Variants in TYW1 observed in about 807,000 individuals in gnomAD.
The protein encoded by TYW1 is tRNA-yW synthesizing protein 1 homolog.
Under a neutral mutation model 96.2 loss-of-function variants are expected in TYW1, and 46 were observed. That is an observed-to-expected ratio of 0.48 (90% CI 0.38 to 0.61). The LOEUF is 0.61. Among genes scored for constraint, TYW1 ranks in the 20% least tolerant of loss-of-function variants. The pLI is 0.00. For missense variants in TYW1, 684 were observed against 909.6 expected, an observed-to-expected ratio of 0.75 and a Z score of 3.19; for synonymous variants, 274 against 323.0, an observed-to-expected ratio of 0.85 and a Z score of 1.63.
chr7:67,167,220 A>G (rs1799364306), intron 13 of TYW1, among the ~76,000 whole-genome samples: 1 of 152,116 alleles, frequency 6.6e-6, no homozygotes, highest in African/African-American at 2.4e-5. Context: ...CTATAATCCC[A>G]GCTCTTTGGG....
chr7:66,999,404 G>A (rs1236867075), intron 3 of TYW1, among the ~76,000 whole-genome samples: 2 of 151,992 alleles, frequency 1.3e-5, no homozygotes, highest in Admixed American at 6.6e-5. Context: ...ACCCAGGCTG[G>A]AGTGCAGTGG....
intron 15 of TYW1, among the ~76,000 whole-genome samples, chr7:67,216,831 A>G (rs1412374113): frequency 6.6e-6 from 1 of 151,656 alleles, no homozygotes; most frequent in Non-Finnish European, 1.5e-5. Context: ...TTCTTATTCA[A>G]TCTATGAATT....
intron 7 of TYW1, among the ~76,000 whole-genome samples, chr7:67,047,906 G>C (rs1213817695): frequency 4.7e-5 from 7 of 149,686 alleles, no homozygotes; most frequent in Non-Finnish European, 8.9e-5. Flanking sequence ...TCCTGCCTCA[G>C]CCTCCCTGGT....
At chr7:67,052,622 A>AT (rs777241276) in intron 8 of TYW1, among the ~76,000 whole-genome samples, 103 of 152,060 alleles carry the variant, frequency 6.8e-4, no homozygotes, top group Middle Eastern at 3.4e-3. Context: ...TGGTTGATGG[A>AT]TTTTTTCCCT....
Position 67,047,265 on chromosome 7 carries a change from T to TA in TYW1, c.985-2676dup, listed in dbSNP as rs891635878. Among the ~76,000 whole-genome samples the TA allele has an allele frequency of 4.6e-5, 7 of 152,036 alleles. No homozygotes were observed. The South Asian group carries it at 6.3e-4, about 14-fold the overall frequency. On this transcript the variant is annotated intron_variant, in intron 7 of 15. Transcript: ENST00000359626. Reference sequence around the variant, plus strand: ...CAAGCTCACACCTTTGCTTTTAGATTAAAAAAAACAAAGCAAACTACTTGG... The same window carrying TA: ...CAAGCTCACACCTTTGCTTTTAGATTAAAAAAAAACAAAGCAAACTACTTGG...
intron 15 of TYW1, among the ~76,000 whole-genome samples, chr7:67,224,450 G>A (rs1039060529): frequency 9.9e-5 from 15 of 152,098 alleles, no homozygotes; most frequent in African/African-American, 3.6e-4. Context: ...ATGTGTCCTC[G>A]TACATACCAC....
intron 13 of TYW1, among the ~76,000 whole-genome samples, chr7:67,179,088 C>G (rs1799763116): frequency 7.1e-6 from 1 of 139,942 alleles, no homozygotes; most frequent in South Asian, 2.3e-4. Flanking sequence ...AGGGCTAACT[C>G]ATAGGCAGCG....
intron 15 of TYW1, among the ~76,000 whole-genome samples, chr7:67,235,035 T>C (rs1584727638): frequency 6.6e-6 from 1 of 152,134 alleles, no homozygotes; most frequent in African/African-American, 2.4e-5. Context: ...TGGTAAATGA[T>C]CATGTTAGAG....
intron 13 of TYW1, among the ~76,000 whole-genome samples, chr7:67,163,596 T>G (rs1474223978): frequency 6.6e-6 from 1 of 152,180 alleles, no homozygotes; most frequent in Non-Finnish European, 1.5e-5. Context: ...GTGCATGATC[T>G]TCTTAGGTTC....
At chr7:67,086,460 G>A (rs1796551549) in intron 11 of TYW1, among the ~76,000 whole-genome samples, 1 of 152,142 alleles carries the variant, frequency 6.6e-6, no homozygotes, top group African/African-American at 2.4e-5. Context: ...GAATGTGTGT[G>A]AGGGGAGAGA....
chr7:67,210,865 CATCT>C (rs1362206991), intron 15 of TYW1, among the ~76,000 whole-genome samples: 12 of 150,846 alleles, frequency 8.0e-5, no homozygotes, highest in South Asian at 4.2e-4. Flanking sequence ...CACCTTCTAT[CATCT>C]ATCTATCCAT....
intron 15 of TYW1, among the ~76,000 whole-genome samples, chr7:67,235,196 C>G (rs1801845524): frequency 6.6e-6 from 1 of 152,188 alleles, no homozygotes; most frequent in Admixed American, 6.5e-5. Flanking sequence ...CAAAGAGACT[C>G]CTCTACAGGG....
chr7:67,022,330 T>A (rs1259292883), intron 6 of TYW1, among the ~76,000 whole-genome samples: 2 of 152,206 alleles, frequency 1.3e-5, no homozygotes, highest in Non-Finnish European at 2.9e-5. Flanking sequence ...GACAGGATTG[T>A]ATGCCCCACA....
rs1488145259 is a variant in TYW1, at chr7:67,055,531, A to G, written c.1103-304A>G. ...TGAGAATCTATTAAACCCAGGAGGC[A>G]GAGGCTGCAGTGAGCTGAGATCACA... is the stretch of plus-strand genomic sequence containing the variant. On this transcript the variant is annotated intron_variant, in intron 8 of 15. Coordinates refer to ENST00000359626, the MANE Select transcript of TYW1 (RefSeq NM_018264.4). Among the ~76,000 whole-genome samples, 3 of 151,748 alleles carry G rather than the reference A, an allele frequency of 2.0e-5. No homozygotes were observed. The East Asian group carries it at 5.8e-4, about 29-fold the overall frequency.
chr7:67,005,165 G>C (rs1461325330), intron 3 of TYW1, among the ~76,000 whole-genome samples: 1 of 152,160 alleles, frequency 6.6e-6, no homozygotes, highest in Non-Finnish European at 1.5e-5. Flanking sequence ...CTATGTAGCT[G>C]ACCTGCCCCT....
At chr7:67,164,271 A>G (rs1799255491) in intron 13 of TYW1, among the ~76,000 whole-genome samples, 1 of 152,122 alleles carries the variant, frequency 6.6e-6, no homozygotes, top group Non-Finnish European at 1.5e-5. Flanking sequence ...CTGCATGTAT[A>G]AGTTTGTTTT....
intron 7 of TYW1, among the ~76,000 whole-genome samples, chr7:67,039,985 C>T (rs1794963862): frequency 6.8e-6 from 1 of 148,052 alleles, no homozygotes; most frequent in Admixed American, 6.8e-5. Flanking sequence ...GAGATGGAGT[C>T]TCACTGTGTC....
chr7:67,042,803 C>T (rs1281909171), intron 7 of TYW1, among the ~76,000 whole-genome samples: 3 of 151,930 alleles, frequency 2.0e-5, no homozygotes, highest in Admixed American at 1.3e-4. Context: ...TCAAGATCAG[C>T]CTGGCAAACA....
intron 13 of TYW1, among the ~76,000 whole-genome samples, chr7:67,139,777 C>A: frequency 2.4e-5 from 3 of 123,166 alleles, no homozygotes; most frequent in Admixed American, 8.0e-5. Context: ...GTGTGTATGC[C>A]CAAATAAATT....
Sources: allele counts gnomAD v4.1 joint callset (sites outside exome capture counted in the v4.1 genomes callset), GRCh38; gene constraint gnomAD v4.1.1; transcripts MANE v1.5; gene names NCBI Gene and HGNC (gene_info 2026-07-23, HGNC 2026-07-21).